The following ANKRD10 variants were observed in gnomAD, a reference collection of about 807,000 sequenced individuals.
ANKRD10 encodes the protein ankyrin repeat domain 10.
In ANKRD10, 14 loss-of-function variants were observed where a neutral mutation model predicts 27.0. That is an observed-to-expected ratio of 0.52 (90% CI 0.34 to 0.81). The LOEUF (loss-of-function observed/expected upper bound fraction) is 0.81. Ranked by LOEUF, ANKRD10 falls within the 40% of genes least tolerant of loss-of-function variation. The probability of loss-of-function intolerance (pLI) is 0.01; values close to 1 mark genes in which losing one functional copy is unlikely to be tolerated. For synonymous variants in ANKRD10, 250 were observed against 224.5 expected, an observed-to-expected ratio of 1.11 and a Z score of -1.01; for missense variants, 493 against 544.0, an observed-to-expected ratio of 0.91 and a Z score of 0.93.
intron 3 of ANKRD10, among the ~76,000 whole-genome samples, chr13:110,903,775 C>G (rs2065450805): frequency 6.6e-6 from 1 of 152,044 alleles, no homozygotes; most frequent in South Asian, 2.1e-4. Flanking sequence ...ATATTATCTC[C>G]TAAATATTAT....
chr13:110,891,463 G>C (rs553224912), intron 4 of ANKRD10, among the ~76,000 whole-genome samples: 29 of 152,220 alleles, frequency 1.9e-4, no homozygotes, highest in African/African-American at 5.5e-4. Flanking sequence ...TAAAAATCTT[G>C]AATTTGATAA....
chr13:110,880,250 T>C, intron 5 of ANKRD10, 138 bp from the exon 6 acceptor site: 1 of 746,850 alleles, frequency 1.3e-6, no homozygotes, highest in Non-Finnish European at 2.1e-6. Context: ...TTTTTCAAAG[T>C]AAAATCAATG....
At chr13:110,894,371 C>T in intron 3 of ANKRD10, 1 of 190,844 alleles carries the variant, frequency 5.2e-6, no homozygotes, top group Non-Finnish European at 9.9e-6. Flanking sequence ...CACTCCAGAA[C>T]CCTGATGCCT....
At chr13:110,913,348 C>T (rs988023378) in intron 1 of ANKRD10, among the ~76,000 whole-genome samples, 3 of 152,186 alleles carry the variant, frequency 2.0e-5, no homozygotes, top group Admixed American at 2.0e-4. Context: ...AGGCTGCACG[C>T]AGAAGCGCAG....
chr13:110,884,428 C>G (rs1285386898), intron 4 of ANKRD10, among the ~76,000 whole-genome samples: 1 of 152,212 alleles, frequency 6.6e-6, no homozygotes, highest in African/African-American at 2.4e-5. Flanking sequence ...GTCATACCCA[C>G]GCTGCACAAG....
intron 4 of ANKRD10, among the ~76,000 whole-genome samples, chr13:110,889,241 T>G (rs1046548759): frequency 7.9e-5 from 12 of 152,194 alleles, no homozygotes; most frequent in Non-Finnish European, 1.5e-4. Context: ...CCATGCATCA[T>G]ACCATCAGAG....
At chr13:110,913,287 T>A (rs2065773710) in intron 1 of ANKRD10, among the ~76,000 whole-genome samples, 2 of 152,178 alleles carry the variant, frequency 1.3e-5, no homozygotes, top group African/African-American at 2.4e-5. Context: ...CAAGAGACAC[T>A]CTGGAGGGAG....
intron 3 of ANKRD10, among the ~76,000 whole-genome samples, chr13:110,897,527 G>A (rs1207042955): frequency 3.3e-5 from 5 of 152,032 alleles, no homozygotes; most frequent in Non-Finnish European, 7.4e-5. Context: ...ACATGTTGCT[G>A]AGAATAACAG....
At chr13:110,887,658 G>A (rs188174036) in intron 4 of ANKRD10, among the ~76,000 whole-genome samples, 78 of 152,352 alleles carry the variant, frequency 5.1e-4, no homozygotes, top group African/African-American at 1.8e-3. Context: ...TAAATCAGGA[G>A]ACATTTTACA....
rs755542871 is a variant in ANKRD10, at chr13:110,893,190, G to A, written c.529C>T (p.Leu177Phe). ...AGATGACAATTCTGGAGGTTCAAGAGAAACTGGGCACACTCTTGGAAACCC... is the reference window on the plus strand; with the variant it reads ...AGATGACAATTCTGGAGGTTCAAGAAAAACTGGGCACACTCTTGGAAACCC... ...TQGFQECAQFLLNLQNCHLNH... is the reference protein window; with the variant it reads ...TQGFQECAQFFLNLQNCHLNH... Residue 177 changes from leucine (L) to phenylalanine (F), a missense_variant, in exon 4 of 6, where the codon CTC (leucine) becomes TTC (phenylalanine). By Grantham distance (22) the Leu-to-Phe change is conservative. Transcript: ENST00000267339. 6.2e-7 allele frequency: 1 copy of A among 1,614,152 alleles called. No individual in the cohort carries two copies. The highest frequency in any genetic ancestry group is 1.7e-5 in the Admixed American group (1 of 60,028).
At chr13:110,900,487 G>A (rs934664766) in intron 3 of ANKRD10, 1 of 1,190,990 alleles carries the variant, frequency 8.4e-7, no homozygotes, top group African/African-American at 1.6e-5. Flanking sequence ...ATCTCTATCT[G>A]AATTCCTAGA....
At chr13:110,913,776 C>T (rs1489269074) in intron 1 of ANKRD10, among the ~76,000 whole-genome samples, 1 of 152,176 alleles carries the variant, frequency 6.6e-6, no homozygotes, top group Non-Finnish European at 1.5e-5. Flanking sequence ...CTATACACAT[C>T]CCTGAATTTC....
rs1049088863 is a variant in ANKRD10, at chr13:110,900,493, C to T, written c.455+5540G>A. On this transcript the variant is annotated intron_variant, in intron 3 of 5. Coordinates refer to ENST00000267339, the MANE Select transcript of ANKRD10 (RefSeq NM_017664.4). ...ATCTAAAGCATCTCTATCTGAATTC[C>T]TAGATTAGCGTTAAAACCAATCACC... The T allele has an allele frequency of 1.5e-5, 18 of 1,195,452 alleles. No individual in the cohort carries two copies. In the African/African-American group the frequency reaches 2.9e-4, roughly 19 times the overall value. 74.1% of individuals were successfully genotyped at this position (1,195,452 alleles called of 1,614,324 possible).
intron 1 of ANKRD10, among the ~76,000 whole-genome samples, chr13:110,914,162 G>A (rs1184487713): frequency 6.6e-6 from 1 of 152,158 alleles, no homozygotes; most frequent in African/African-American, 2.4e-5. Context: ...GTCCCGCCGG[G>A]GCGCTTGCTC....
intron 3 of ANKRD10, among the ~76,000 whole-genome samples, chr13:110,904,571 A>G (rs1366588972): frequency 6.6e-6 from 1 of 152,234 alleles, no homozygotes; most frequent in Non-Finnish European, 1.5e-5. Context: ...CAAGCAATTT[A>G]ATCATGTTAT....
chr13:110,885,504 C>T (rs761558196), intron 4 of ANKRD10, among the ~76,000 whole-genome samples: 2 of 151,662 alleles, frequency 1.3e-5, no homozygotes, highest in African/African-American at 2.4e-5. Flanking sequence ...ACAGAGATTG[C>T]GCCACTGCCC....
intron 4 of ANKRD10, 57 bp from the exon 5 acceptor site, chr13:110,883,850 C>G: frequency 1.3e-6 from 2 of 1,551,532 alleles, no homozygotes; most frequent in East Asian, 4.8e-5. Context: ...GATAAGTGTT[C>G]AGACACACAG....
At chr13:110,912,339 G>A (rs1037097409) in intron 1 of ANKRD10, among the ~76,000 whole-genome samples, 8 of 152,236 alleles carry the variant, frequency 5.3e-5, no homozygotes, top group Admixed American at 3.9e-4. Context: ...AAACACTCCT[G>A]TGAGATGAAG....
At chr13:110,910,899 CTCTT>C (rs1266309878) in intron 1 of ANKRD10, 129 bp from the exon 2 acceptor site, 3 of 981,082 alleles carry the variant, frequency 3.1e-6, no homozygotes, top group African/African-American at 3.3e-5. Flanking sequence ...GATTAAGTCA[CTCTT>C]TCCCAATGCC....
Sources: allele counts gnomAD v4.1 joint callset (sites outside exome capture counted in the v4.1 genomes callset), GRCh38; gene constraint gnomAD v4.1.1; transcripts MANE v1.5; gene names NCBI Gene and HGNC (gene_info 2026-07-23, HGNC 2026-07-21).